The following TRAPPC9 variants were observed in gnomAD, a reference collection of about 807,000 sequenced individuals.
TRAPPC9 encodes the protein trafficking protein particle complex subunit 9.
Under a neutral mutation model 124.0 loss-of-function variants are expected in TRAPPC9, and 83 were observed. The observed-to-expected ratio is 0.67, with a 90% CI of 0.56 to 0.80. The LOEUF is 0.80. Among genes scored for constraint, TRAPPC9 ranks in the 30% least tolerant of loss-of-function variants. The pLI, the probability that TRAPPC9 is intolerant of heterozygous loss-of-function variation, is 0.00. For missense variants in TRAPPC9, 1,302 were observed against 1,508.3 expected (o/e 0.86, Z 2.27); for synonymous variants, 638 against 617.5 (o/e 1.03, Z -0.49).
At chr8:140,130,280 G>A (rs750766499) in intron 17 of TRAPPC9, among the ~76,000 whole-genome samples, 15 of 152,194 alleles carry the variant, frequency 9.9e-5, no homozygotes, top group Non-Finnish European at 1.8e-4. Context: ...CAGCACCTTC[G>A]TAGAAATGCT....
At chr8:139,756,655 G>A (rs547845893) in intron 21 of TRAPPC9, among the ~76,000 whole-genome samples, 18 of 142,100 alleles carry the variant, frequency 1.3e-4, no homozygotes, top group African/African-American at 4.4e-4. Context: ...GGTCGCAGGA[G>A]GAGCCAGGGA....
At chr8:140,209,026 C>T (rs4507747) in intron 17 of TRAPPC9, among the ~76,000 whole-genome samples, 66,136 of 151,884 alleles carry the variant, frequency 0.44, 15,870 homozygotes, top group Non-Finnish European at 0.54. Flanking sequence ...TCATTTAAAA[C>T]GCTGGCAGTT....
At chr8:140,341,791 T>A (rs577055683) in intron 9 of TRAPPC9, among the ~76,000 whole-genome samples, 1 of 152,200 alleles carries the variant, frequency 6.6e-6, no homozygotes, top group African/African-American at 2.4e-5. Flanking sequence ...TGCTCCATTC[T>A]GGGTAGTGAA....
intron 19 of TRAPPC9, among the ~76,000 whole-genome samples, chr8:139,987,038 C>T (rs1006305834): frequency 6.6e-6 from 1 of 152,232 alleles, no homozygotes; most frequent in African/African-American, 2.4e-5. Flanking sequence ...TTGGGTAAGG[C>T]TCCTTTCACC....
chr8:139,793,166 A>G (rs2130619648), intron 21 of TRAPPC9, among the ~76,000 whole-genome samples: 1 of 152,048 alleles, frequency 6.6e-6, no homozygotes, highest in South Asian at 2.1e-4. Flanking sequence ...CGGAGCCTAC[A>G]TTTCTTCTTG....
intron 19 of TRAPPC9, among the ~76,000 whole-genome samples, chr8:139,943,287 G>A (rs965276313): frequency 1.4e-4 from 22 of 152,166 alleles, no homozygotes; most frequent in East Asian, 3.9e-4. Context: ...GGCTGGTCTC[G>A]AACTCCTGAC....
intron 19 of TRAPPC9, among the ~76,000 whole-genome samples, chr8:139,949,817 T>C (rs1834521792): frequency 6.6e-6 from 1 of 152,126 alleles, no homozygotes; most frequent in Non-Finnish European, 1.5e-5. Context: ...TGTTCTAAAA[T>C]CAATCATGGT....
intron 21 of TRAPPC9, among the ~76,000 whole-genome samples, chr8:139,749,705 G>A (rs888855377): frequency 2.0e-5 from 3 of 152,174 alleles, no homozygotes; most frequent in African/African-American, 7.2e-5. Flanking sequence ...GAGCACAAAC[G>A]GGAAGGACAT....
At chr8:139,778,812 G>A (rs924567821) in intron 21 of TRAPPC9, among the ~76,000 whole-genome samples, 2 of 152,138 alleles carry the variant, frequency 1.3e-5, no homozygotes, top group Non-Finnish European at 2.9e-5. Context: ...TGTAACTGGA[G>A]ACCTCTGAAG....
chr8:140,361,232 A>G (rs2067944519), intron 8 of TRAPPC9, among the ~76,000 whole-genome samples: 3 of 152,260 alleles, frequency 2.0e-5, no homozygotes, highest in Admixed American at 1.3e-4. Flanking sequence ...GTATTTACTG[A>G]GAACACAATA....
chr8:140,051,989 T>C (rs1362513718), intron 17 of TRAPPC9, among the ~76,000 whole-genome samples: 1 of 152,080 alleles, frequency 6.6e-6, no homozygotes, highest in Non-Finnish European at 1.5e-5. Context: ...GAAGAAAACG[T>C]TCTCCCCCAC....
At chr8:140,282,907 T>TA (rs1285202185) in intron 14 of TRAPPC9, among the ~76,000 whole-genome samples, 11 of 152,126 alleles carry the variant, frequency 7.2e-5, no homozygotes, top group African/African-American at 1.9e-4. Flanking sequence ...CCTGTAACGC[T>TA]AAAAAACAAA....
At chr8:140,102,917 A>G (rs879346846) in intron 17 of TRAPPC9, among the ~76,000 whole-genome samples, 6 of 152,202 alleles carry the variant, frequency 3.9e-5, no homozygotes, top group Non-Finnish European at 8.8e-5. Context: ...TGTGGCTCCC[A>G]TTTTGAGGGA....
chr8:140,439,456 T>C (rs1382217990), intron 2 of TRAPPC9, among the ~76,000 whole-genome samples: 1 of 152,246 alleles, frequency 6.6e-6, no homozygotes, highest in Non-Finnish European at 1.5e-5. Flanking sequence ...TAGGCAATGT[T>C]ACAGTTGGAT....
intron 17 of TRAPPC9, among the ~76,000 whole-genome samples, chr8:140,046,459 C>T (rs901902215): frequency 2.6e-5 from 4 of 152,220 alleles, no homozygotes; most frequent in Admixed American, 6.5e-5. Context: ...TTTCCTTGCG[C>T]CTTCCTCCCT....
chr8:140,385,925 A>G (rs542649574), intron 7 of TRAPPC9, among the ~76,000 whole-genome samples: 2 of 152,362 alleles, frequency 1.3e-5, no homozygotes, highest in Admixed American at 6.5e-5. Flanking sequence ...TCAATAAAAT[A>G]CTGGCAAACC....
At chr8:140,150,433 G>A (rs1373092962) in intron 17 of TRAPPC9, among the ~76,000 whole-genome samples, 2 of 152,164 alleles carry the variant, frequency 1.3e-5, no homozygotes, top group Admixed American at 6.5e-5. Context: ...TGAGCAACAC[G>A]AGCAAAACAC....
chr8:140,001,302 T>C (rs1347829641), intron 18 of TRAPPC9, among the ~76,000 whole-genome samples: 1 of 151,978 alleles, frequency 6.6e-6, no homozygotes, highest in Non-Finnish European at 1.5e-5. Context: ...GACGAGTTGA[T>C]GGGTGCAGCA....
At chr8:139,790,221 C>T (rs745495766) in intron 21 of TRAPPC9, among the ~76,000 whole-genome samples, 10 of 152,186 alleles carry the variant, frequency 6.6e-5, no homozygotes, top group African/African-American at 9.7e-5. Context: ...GCCTATTTTC[C>T]GAAAGATAAG....
Sources: gnomAD v4.1 joint callset for allele counts (sites outside exome capture counted in the v4.1 genomes callset) on GRCh38, gnomAD v4.1.1 for gene constraint, MANE v1.5 for transcripts, NCBI Gene and HGNC (gene_info 2026-07-23, HGNC 2026-07-21) for gene names.